MAGI2: variants seen among roughly 807,000 people sequenced by gnomAD.
MAGI2 encodes the protein membrane associated guanylate kinase, WW and PDZ domain containing 2.
A neutral mutation model predicts 133.3 loss-of-function variants in MAGI2; 35 were observed. That is an observed-to-expected ratio of 0.26 (90% CI 0.20 to 0.35). The LOEUF (loss-of-function observed/expected upper bound fraction) is 0.35, where lower values mean the gene tolerates loss of function less well. Among genes scored for constraint, MAGI2 ranks in the 10% least tolerant of loss-of-function variants. The probability of loss-of-function intolerance (pLI) is 1.00; values close to 1 mark genes in which losing one functional copy is unlikely to be tolerated. For missense variants in MAGI2, 1,636 were observed against 1,863.4 expected (o/e 0.88, Z 2.25); for synonymous variants, 729 against 710.6 (o/e 1.03, Z -0.41).
At chr7:78,935,462 A>G (rs1397685426) in intron 2 of MAGI2, among the ~76,000 whole-genome samples, 1 of 152,148 alleles carries the variant, frequency 6.6e-6, no homozygotes, top group Admixed American at 6.6e-5. Context: ...CTTAAGCAGA[A>G]GTAGAAGTAA....
At chr7:78,595,259 A>G (rs957593151) in intron 3 of MAGI2, among the ~76,000 whole-genome samples, 17 of 152,164 alleles carry the variant, frequency 1.1e-4, no homozygotes, top group African/African-American at 4.1e-4. Context: ...AGTCAGAGTA[A>G]AAACAAATTA....
Position 78,934,006 on chromosome 7 carries a change from C to T in MAGI2, c.418+73084G>A, listed in dbSNP as rs768439190. ...AAAAACACAGCATCATAGGTGGAAA[C>T]TTCAAGCCTGCCATTGTCTGTTGTT... On this transcript the variant is annotated intron_variant, in intron 2 of 21. Transcript: ENST00000354212. 2.4e-4 allele frequency among the ~76,000 whole-genome samples: 37 copies of T among 152,228 alleles called. 1 individual carries two copies. Among genetic ancestry groups the T allele is most frequent in the South Asian group, 1.5e-3 (7 of 4,822 alleles).
At chr7:79,267,969 G>A (rs1331054233) in intron 1 of MAGI2, among the ~76,000 whole-genome samples, 2 of 152,134 alleles carry the variant, frequency 1.3e-5, no homozygotes, top group Non-Finnish European at 2.9e-5. Flanking sequence ...TTCTGAAAAA[G>A]CCTAGGTGTG....
chr7:78,995,335 A>G lies in MAGI2; in HGVS notation c.418+11755T>C, dbSNP rs181256806. Among the ~76,000 whole-genome samples the G allele has an allele frequency of 2.2e-4, 34 of 152,270 alleles. No individual in the cohort carries two copies. The East Asian group carries it at 6.6e-3, about 29-fold the overall frequency. On this transcript the variant is annotated intron_variant, in intron 2 of 21. Coordinates refer to ENST00000354212, the MANE Select transcript of MAGI2 (RefSeq NM_012301.4). The stretch of plus-strand genomic sequence containing the variant: ...CTTTGTATATTTAATCTTTCTTCCT[A>G]TATCAAGGTAATAGCTTTAATTACT...
intron 21 of MAGI2, among the ~76,000 whole-genome samples, chr7:78,029,653 GACTGCGTGTTGAAAACT>G (rs889695436): frequency 1.3e-5 from 2 of 152,220 alleles, no homozygotes; most frequent in Admixed American, 6.5e-5. Flanking sequence ...GTCTGCAAAC[GACTGCGTGTTGAAAACT>G]ACTGCGTGTT....
intron 1 of MAGI2, among the ~76,000 whole-genome samples, chr7:79,220,706 C>T (rs1830381608): frequency 6.6e-6 from 1 of 152,078 alleles, no homozygotes; most frequent in Admixed American, 6.6e-5. Context: ...GGAACAGTCA[C>T]CTCACTCTAT....
At chr7:78,229,467 T>C (rs1385232344) in intron 10 of MAGI2, among the ~76,000 whole-genome samples, 1 of 152,178 alleles carries the variant, frequency 6.6e-6, no homozygotes, top group East Asian at 1.9e-4. Context: ...TCTTTCACTC[T>C]AGCTGAGGAA....
At chr7:79,196,447 C>G (rs905636332) in intron 1 of MAGI2, among the ~76,000 whole-genome samples, 2 of 151,958 alleles carry the variant, frequency 1.3e-5, no homozygotes, top group Admixed American at 6.6e-5. Context: ...ACATTCTACT[C>G]TAATCTTGCT....
rs542415593 is a variant in MAGI2, at chr7:78,734,951, TTGTC to T, written c.419-107716_419-107713del. On this transcript the variant is annotated intron_variant, in intron 2 of 21. Coordinates refer to ENST00000354212, the MANE Select transcript of MAGI2 (RefSeq NM_012301.4). Reference sequence around the variant, plus strand: ...TTGTATGCCACTGAGATTTTTGTGATTGTCTGTTACAGAGCAGCAAAATCTAACT... The same window carrying T: ...TTGTATGCCACTGAGATTTTTGTGATTGTTACAGAGCAGCAAAATCTAACT... Among the ~76,000 whole-genome samples, 18 of 152,334 alleles carry T rather than the reference TTGTC, an allele frequency of 1.2e-4. No homozygotes were observed. The South Asian group carries it at 3.7e-3, about 32-fold the overall frequency.
At chr7:78,164,896 G>C (rs1442825552) in intron 15 of MAGI2, among the ~76,000 whole-genome samples, 1 of 152,112 alleles carries the variant, frequency 6.6e-6, no homozygotes, top group Non-Finnish European at 1.5e-5. Context: ...AAATATTTAT[G>C]CTTTTCAGTA....
At chr7:78,500,952 G>T (rs1020439366) in intron 5 of MAGI2, among the ~76,000 whole-genome samples, 2 of 152,246 alleles carry the variant, frequency 1.3e-5, no homozygotes, top group East Asian at 3.9e-4. Context: ...GCCAGGCATG[G>T]TGGTATGCAC....
chr7:78,981,891 G>T (rs893278675), intron 2 of MAGI2, among the ~76,000 whole-genome samples: 1 of 151,864 alleles, frequency 6.6e-6, no homozygotes, highest in Admixed American at 6.6e-5. Context: ...CCTGCCTAGA[G>T]CCTCAGACCA....
intron 6 of MAGI2, among the ~76,000 whole-genome samples, chr7:78,398,346 T>C (rs944333017): frequency 2.3e-4 from 35 of 152,154 alleles, no homozygotes; most frequent in African/African-American, 8.2e-4. Flanking sequence ...CAACTTGACT[T>C]GACTCTTAAC....
chr7:78,883,462 T>A (rs768448379), intron 2 of MAGI2, among the ~76,000 whole-genome samples: 2 of 152,178 alleles, frequency 1.3e-5, no homozygotes, highest in Admixed American at 1.3e-4. Context: ...ATGTACAGAT[T>A]CAATGCTATT....
At chr7:78,206,756 A>G (rs1218527298) in intron 10 of MAGI2, among the ~76,000 whole-genome samples, 1 of 152,190 alleles carries the variant, frequency 6.6e-6, no homozygotes, top group East Asian at 1.9e-4. Context: ...ACTTTTGAAG[A>G]TTACTGTTAC....
At position 78,341,395 on chromosome 7, in the gene MAGI2, A is replaced by G. The variant is rs114196401; in HGVS notation, c.1408+2383T>C. Among the ~76,000 whole-genome samples the G allele has an allele frequency of 5.4e-3, 822 of 152,294 alleles. 7 individuals carry two copies. Among genetic ancestry groups the G allele is most frequent in the African/African-American group, 0.019 (773 of 41,554 alleles). ...AATGGCCATACTGCCCAAATAATTT[A>G]TAGATTTAATGCTATCCCCATCAAG... On this transcript the variant is annotated intron_variant, in intron 9 of 21. Transcript: ENST00000354212.
At chr7:78,687,037 C>T (rs1487190046) in intron 2 of MAGI2, among the ~76,000 whole-genome samples, 1 of 152,118 alleles carries the variant, frequency 6.6e-6, no homozygotes, top group Non-Finnish European at 1.5e-5. Context: ...CAGCGCATTG[C>T]ATTAGAGTTT....
intron 2 of MAGI2, among the ~76,000 whole-genome samples, chr7:78,896,048 G>C (rs991443764): frequency 1.3e-5 from 2 of 151,910 alleles, no homozygotes; most frequent in African/African-American, 4.8e-5. Context: ...CAGATTGTTA[G>C]GCTTCAATAA....
intron 2 of MAGI2, among the ~76,000 whole-genome samples, chr7:78,638,171 G>C (rs1809883142): frequency 6.6e-6 from 1 of 152,092 alleles, no homozygotes; most frequent in African/African-American, 2.4e-5. Flanking sequence ...TGTCTGGGGT[G>C]ATCACTTTTG....
Sources: gnomAD v4.1 joint callset for allele counts (sites outside exome capture counted in the v4.1 genomes callset) on GRCh38, gnomAD v4.1.1 for gene constraint, MANE v1.5 for transcripts, NCBI Gene and HGNC (gene_info 2026-07-23, HGNC 2026-07-21) for gene names.